The following TENM3 variants were observed in gnomAD, a reference collection of about 807,000 sequenced individuals.
TENM3 encodes the protein teneurin transmembrane protein 3.
A neutral mutation model predicts 255.1 loss-of-function variants in TENM3; 63 were observed. The observed-to-expected ratio is 0.25, with a 90% CI of 0.20 to 0.30. The LOEUF (loss-of-function observed/expected upper bound fraction) is 0.30. Among genes scored for constraint, TENM3 ranks in the 10% least tolerant of loss-of-function variants. The pLI is 1.00. For synonymous variants in TENM3, 1,306 were observed against 1,322.3 expected (o/e 0.99, Z 0.27); for missense variants, 2,929 against 3,461.1 (o/e 0.85, Z 3.86).
chr4:182,607,755 A>ATTG (rs1748573247), intron 4 of TENM3, among the ~76,000 whole-genome samples: 1 of 152,248 alleles, frequency 6.6e-6, no homozygotes, highest in East Asian at 1.9e-4. Flanking sequence ...CTTAAGTGAT[A>ATTG]TTGAAAGCGT....
In TENM3 at chr4:182,590,538, C is replaced by CAA. The variant is rs34681777; in HGVS notation, c.512-10364_512-10363dup. ...CCAGCAATAGAGCGAGACCCTGTCT[C>CAA]AAAAAAAAAAAAAAAAAAAAAAAGA... On this transcript the variant is annotated intron_variant, in intron 3 of 27. Coordinates refer to ENST00000511685, the MANE Select transcript of TENM3 (RefSeq NM_001080477.4). Among the ~76,000 whole-genome samples, 194 of 79,700 alleles carry CAA rather than the reference C, an allele frequency of 2.4e-3. 3 individuals carry two copies. Among genetic ancestry groups the CAA allele is most frequent in the Admixed American group, 3.7e-3 (23 of 6,166 alleles). The allele number at this position is 79,700 out of a possible 152,430, so 52.3% of individuals were successfully genotyped here.
At chr4:181,635,435 A>G in the TENM3 span, among the ~76,000 whole-genome samples, 16 of 152,334 alleles carry the variant, frequency 1.1e-4, no homozygotes, top group South Asian at 1.0e-3. Context: ...GGATATCCCA[A>G]TACATGCTAA....
intron 22 of TENM3, among the ~76,000 whole-genome samples, chr4:182,767,423 T>C (rs1190937276): frequency 1.3e-5 from 2 of 152,144 alleles, no homozygotes; most frequent in African/African-American, 4.8e-5. Context: ...TGTTACAAAT[T>C]AGCAATGTGG....
At chr4:182,590,556 AAAAAAG>A (rs1746514713) in intron 3 of TENM3, among the ~76,000 whole-genome samples, 3 of 150,450 alleles carry the variant, frequency 2.0e-5, no homozygotes, top group East Asian at 3.9e-4. Flanking sequence ...AAAAAAAAAA[AAAAAAG>A]AAAAAGAAAA....
At chr4:181,605,490 GAAAGAAAGAA>G in the TENM3 span, among the ~76,000 whole-genome samples, 11 of 7,340 alleles carry the variant, frequency 1.5e-3, no homozygotes, top group East Asian at 0.012. Flanking sequence ...GAGAAAGAAA[GAAAGAAAGAA>G]AGAAAGAAAG....
intron 1 of TENM3, among the ~76,000 whole-genome samples, chr4:182,247,107 A>G (rs2150096192): frequency 6.6e-6 from 1 of 152,300 alleles, no homozygotes; most frequent in African/African-American, 2.4e-5. Context: ...GAAAAATATG[A>G]GTCGAGCTAG....
At chr4:181,546,264 G>T in the TENM3 span, among the ~76,000 whole-genome samples, 8 of 152,014 alleles carry the variant, frequency 5.3e-5, no homozygotes, top group Admixed American at 3.3e-4. Context: ...CCTTCTTCAT[G>T]GCCATTGATT....
the TENM3 span, among the ~76,000 whole-genome samples, chr4:181,890,857 A>G: frequency 6.6e-6 from 1 of 152,202 alleles, no homozygotes. Context: ...ATAGTATCCC[A>G]ATGACCATCA....
chr4:181,973,471 TC>T, the TENM3 span, among the ~76,000 whole-genome samples: 1 of 152,174 alleles, frequency 6.6e-6, no homozygotes, highest in Non-Finnish European at 1.5e-5. Flanking sequence ...AGGCCTGCAA[TC>T]CCAGCTTTGG....
chr4:181,604,623 C>A, the TENM3 span, among the ~76,000 whole-genome samples: 1 of 152,198 alleles, frequency 6.6e-6, no homozygotes, highest in African/African-American at 2.4e-5. Context: ...GTGTGGCCAT[C>A]CTACCTACTC....
chr4:182,249,465 A>G (rs953066560), intron 1 of TENM3, among the ~76,000 whole-genome samples: 2 of 152,194 alleles, frequency 1.3e-5, no homozygotes, highest in African/African-American at 4.8e-5. Flanking sequence ...AGAAGGAGAA[A>G]CTATTATCTC....
chr4:181,868,235 C>G, the TENM3 span, among the ~76,000 whole-genome samples: 1 of 152,080 alleles, frequency 6.6e-6, no homozygotes, highest in Non-Finnish European at 1.5e-5. Context: ...TCTCCAGCCC[C>G]CAGCCCCTTC....
chr4:182,504,418 G>C (rs989113719), intron 3 of TENM3, among the ~76,000 whole-genome samples: 1 of 148,730 alleles, frequency 6.7e-6, no homozygotes, highest in Admixed American at 6.8e-5. Flanking sequence ...ACCAAATACA[G>C]ATTTGATTGG....
chr4:181,634,780 A>G, the TENM3 span, among the ~76,000 whole-genome samples: 1 of 152,198 alleles, frequency 6.6e-6, no homozygotes, highest in East Asian at 1.9e-4. Context: ...TCACAAAACA[A>G]TTCAGTCGTG....
chr4:181,500,207 T>G, the TENM3 span, among the ~76,000 whole-genome samples: 2 of 151,952 alleles, frequency 1.3e-5, no homozygotes, highest in African/African-American at 2.4e-5. Flanking sequence ...TTTTGTATTT[T>G]TAGTAGAGAG....
rs536002537 is a variant in TENM3 at position 182,266,668 on chromosome 4, A to G, written c.-76+23192A>G. Among the ~76,000 whole-genome samples the G allele has an allele frequency of 1.1e-4, 16 of 152,320 alleles. No homozygotes were observed. The South Asian group carries it at 2.9e-3, about 28-fold the overall frequency. On this transcript the variant is annotated intron_variant, in intron 1 of 27. Coordinates refer to ENST00000511685, the MANE Select transcript of TENM3 (RefSeq NM_001080477.4). Reference sequence around the variant, plus strand: ...AAAGGTAAAATTTGGCATATTTGATATAAAAATCATACAGGAAGCATTATT... The same window carrying G: ...AAAGGTAAAATTTGGCATATTTGATGTAAAAATCATACAGGAAGCATTATT...
intron 3 of TENM3, among the ~76,000 whole-genome samples, chr4:182,555,858 A>T (rs1316063971): frequency 1.3e-5 from 2 of 152,056 alleles, no homozygotes; most frequent in Non-Finnish European, 2.9e-5. Context: ...CGAACACTTA[A>T]GAGTTTCTCT....
At chr4:182,455,553 CTTTTTTTTTTTTTT>C (rs568361419) in intron 3 of TENM3, among the ~76,000 whole-genome samples, 2 of 73,138 alleles carry the variant, frequency 2.7e-5, no homozygotes, top group Non-Finnish European at 5.0e-5. Context: ...CATGGTATTT[CTTTTTTTTTTTTTT>C]TTTTTTTTTT....
chr4:182,747,169 G>C (rs1762066729), intron 19 of TENM3, among the ~76,000 whole-genome samples: 2 of 152,056 alleles, frequency 1.3e-5, no homozygotes, highest in Non-Finnish European at 2.9e-5. Flanking sequence ...AAAAGGAATG[G>C]TATTGCCAGT....
Sources: allele counts gnomAD v4.1 joint callset (sites outside exome capture counted in the v4.1 genomes callset), GRCh38; gene constraint gnomAD v4.1.1; transcripts MANE v1.5; gene names NCBI Gene and HGNC (gene_info 2026-07-23, HGNC 2026-07-21).